The following SLC71A1 variants were observed in gnomAD, a reference collection of about 807,000 sequenced individuals.
The protein encoded by SLC71A1 is solute carrier family 71 member 1.
At chr1:100,066,311 G>A in the SLC71A1 span, among the ~76,000 whole-genome samples, 9 of 152,042 alleles carry the variant, frequency 5.9e-5, no homozygotes, top group South Asian at 2.1e-4. Context: ...CAAGATAAAC[G>A]TTCATTTAAT....
the SLC71A1 span, among the ~76,000 whole-genome samples, chr1:100,057,827 A>G: frequency 2.0e-5 from 3 of 152,224 alleles, no homozygotes; most frequent in Non-Finnish European, 2.9e-5. Flanking sequence ...GACCTTCCCT[A>G]CCTTCCTTAT....
the SLC71A1 span, chr1:100,082,116 T>C: frequency 1.8e-5 from 29 of 1,614,056 alleles, no homozygotes; most frequent in Non-Finnish European, 2.2e-5. Flanking sequence ...GGTCCAGCAG[T>C]TGGAGAAAGC....
chr1:100,050,929 G>A, the SLC71A1 span, among the ~76,000 whole-genome samples: 1 of 151,714 alleles, frequency 6.6e-6, no homozygotes, highest in Non-Finnish European at 1.5e-5. Flanking sequence ...TACAAAAAAT[G>A]CAAAAATTAG....
the SLC71A1 span, among the ~76,000 whole-genome samples, chr1:100,070,092 A>T: frequency 6.6e-6 from 1 of 152,216 alleles, no homozygotes; most frequent in Admixed American, 6.5e-5. Context: ...TAAGACAGAA[A>T]ATAAAAACAC....
At chr1:100,038,308 G>A in the SLC71A1 span, 3 of 1,555,110 alleles carry the variant, frequency 1.9e-6, no homozygotes, top group Admixed American at 1.9e-5. Flanking sequence ...CATTAAGGAC[G>A]GAGGCACGGT....
the SLC71A1 span, among the ~76,000 whole-genome samples, chr1:100,070,058 T>C: frequency 6.6e-6 from 1 of 152,192 alleles, no homozygotes; most frequent in East Asian, 1.9e-4. Flanking sequence ...TTCTTGCTTT[T>C]GTAGAGTTTA....
At chr1:100,045,230 T>C in the SLC71A1 span, among the ~76,000 whole-genome samples, 1 of 152,368 alleles carries the variant, frequency 6.6e-6, no homozygotes, top group African/African-American at 2.4e-5. Context: ...GTTAAGTGTA[T>C]TCCTAGGTGT....
chr1:100,063,340 A>G, the SLC71A1 span, among the ~76,000 whole-genome samples: 7 of 151,454 alleles, frequency 4.6e-5, no homozygotes, highest in African/African-American at 1.7e-4. Context: ...ATGGATGCAG[A>G]AAAAAGGTGG....
the SLC71A1 span, among the ~76,000 whole-genome samples, chr1:100,059,213 G>T: frequency 7.7e-6 from 1 of 130,708 alleles, no homozygotes; most frequent in Non-Finnish European, 1.5e-5. Context: ...GAGTGCAAGT[G>T]GCATGATCTC....
chr1:100,066,776 T>A, the SLC71A1 span, among the ~76,000 whole-genome samples: 3 of 151,502 alleles, frequency 2.0e-5, no homozygotes, highest in Non-Finnish European at 2.9e-5. Context: ...GATCACGAGG[T>A]CAGGAGATCG....
At chr1:100,064,883 C>G in the SLC71A1 span, among the ~76,000 whole-genome samples, 3 of 151,712 alleles carry the variant, frequency 2.0e-5, no homozygotes, top group Non-Finnish European at 4.4e-5. Context: ...TCCACCATGC[C>G]CAGCTAATTT....
the SLC71A1 span, among the ~76,000 whole-genome samples, chr1:100,052,559 G>A: frequency 6.7e-6 from 1 of 149,962 alleles, no homozygotes; most frequent in African/African-American, 2.5e-5. Flanking sequence ...AGCCTCCCAA[G>A]TAGCTGGGAC....
chr1:100,077,145 T>C, the SLC71A1 span: 2 of 1,091,268 alleles, frequency 1.8e-6, no homozygotes, highest in Non-Finnish European at 2.7e-6. Context: ...TTCTGATAAA[T>C]CTTTTTTTTT....
chr1:100,082,225 A>G, the SLC71A1 span: 1,836 of 1,604,196 alleles, frequency 1.1e-3, 4 homozygotes, highest in Non-Finnish European at 1.5e-3. Flanking sequence ...GAAATCAGGA[A>G]GATTTTTCTA....
chr1:100,050,045 C>CTCT, the SLC71A1 span: 1 of 1,040,714 alleles, frequency 9.6e-7, no homozygotes, highest in Non-Finnish European at 1.5e-6. Flanking sequence ...ACTCCAAAAT[C>CTCT]TCTTCTTCTT....
chr1:100,081,577 T>A, the SLC71A1 span, among the ~76,000 whole-genome samples: 2 of 152,176 alleles, frequency 1.3e-5, no homozygotes, highest in Non-Finnish European at 2.9e-5. Context: ...GGTTTCACCA[T>A]GTTGGCCAGG....
the SLC71A1 span, among the ~76,000 whole-genome samples, chr1:100,044,672 T>G: frequency 6.6e-6 from 1 of 151,992 alleles, no homozygotes; most frequent in Non-Finnish European, 1.5e-5. Flanking sequence ...CACACCACCA[T>G]GCCTGGCTAA....
the SLC71A1 span, chr1:100,038,175 G>A: frequency 6.9e-7 from 1 of 1,453,858 alleles, no homozygotes; most frequent in Admixed American, 2.0e-5. Flanking sequence ...GGCACTAGCT[G>A]CTGGGGCCTG....
chr1:100,050,578 A>G, the SLC71A1 span, among the ~76,000 whole-genome samples: 1 of 152,190 alleles, frequency 6.6e-6, no homozygotes, highest in Non-Finnish European at 1.5e-5. Flanking sequence ...GTAAATATCT[A>G]TACCATCTTG....
Sources: gnomAD v4.1 joint callset for allele counts (sites outside exome capture counted in the v4.1 genomes callset) on GRCh38, gnomAD v4.1.1 for gene constraint, MANE v1.5 for transcripts, NCBI Gene and HGNC (gene_info 2026-07-23, HGNC 2026-07-21) for gene names.